TTC28: variants seen among roughly 807,000 people sequenced by gnomAD.
The protein encoded by TTC28 is tetratricopeptide repeat domain 28.
In TTC28, 61 loss-of-function variants were observed where a neutral mutation model predicts 198.0. The ratio of observed to expected loss-of-function variants is 0.31; its 90% CI spans 0.25 to 0.38. TTC28 has a LOEUF of 0.38. Among genes scored for constraint, TTC28 ranks in the 10% least tolerant of loss-of-function variants. The pLI, the probability that TTC28 is intolerant of heterozygous loss-of-function variation, is 1.00. For synonymous variants in TTC28, 1,171 were observed against 1,297.8 expected (o/e 0.90, Z 2.10); for missense variants, 2,678 against 3,164.0 (o/e 0.85, Z 3.69).
rs1028408215 is a variant in TTC28, at chr22:28,437,686, G to A, written c.382-131043C>T. Among the ~76,000 whole-genome samples the A allele has an allele frequency of 3.9e-5, 6 of 151,986 alleles. No homozygotes were observed. In the East Asian group the frequency reaches 5.8e-4, roughly 15 times the overall value. On this transcript the variant is annotated intron_variant, in intron 2 of 22. Coordinates refer to ENST00000397906, the MANE Select transcript of TTC28 (RefSeq NM_001145418.2). ...CAGCTCACTGCAGCCTCAACCTACT[G>A]GGTTCAATCAATTCTCCCACCTCAG...
At chr22:28,447,197 T>C (rs2047714935) in intron 2 of TTC28, among the ~76,000 whole-genome samples, 1 of 151,992 alleles carries the variant, frequency 6.6e-6, no homozygotes, top group Non-Finnish European at 1.5e-5. Flanking sequence ...AACAAAAGTT[T>C]TCAGAAAGGG....
At chr22:28,279,816 TCTGA>T (rs1257322577) in intron 5 of TTC28, among the ~76,000 whole-genome samples, 4 of 152,256 alleles carry the variant, frequency 2.6e-5, no homozygotes, top group African/African-American at 9.6e-5. Flanking sequence ...CAACCACTGA[TCTGA>T]CTGTTTTCGC....
intron 12 of TTC28, among the ~76,000 whole-genome samples, chr22:28,083,544 G>T (rs1941442668): frequency 6.6e-6 from 1 of 152,200 alleles, no homozygotes; most frequent in Admixed American, 6.5e-5. Flanking sequence ...AGCCAAGATG[G>T]CCGAATAGGA....
At chr22:28,264,554 G>T (rs960107948) in intron 5 of TTC28, among the ~76,000 whole-genome samples, 1 of 152,180 alleles carries the variant, frequency 6.6e-6, no homozygotes, top group Non-Finnish European at 1.5e-5. Context: ...ATTTGGAAGA[G>T]AGAGATACAT....
chr22:28,513,536 C>T (rs962226899), intron 2 of TTC28, among the ~76,000 whole-genome samples: 2 of 152,124 alleles, frequency 1.3e-5, no homozygotes, highest in Non-Finnish European at 2.9e-5. Context: ...CCCAAGAATT[C>T]GAGGCTGCAT....
At chr22:28,518,772 A>C (rs1013415857) in intron 2 of TTC28, among the ~76,000 whole-genome samples, 74 of 152,222 alleles carry the variant, frequency 4.9e-4, no homozygotes, top group African/African-American at 1.7e-3. Context: ...AAAAGACAGA[A>C]TTCATCTATC....
chr22:28,130,552 T>C (rs1033196037), intron 6 of TTC28, among the ~76,000 whole-genome samples: 1 of 152,262 alleles, frequency 6.6e-6, no homozygotes, highest in Admixed American at 6.5e-5. Context: ...GCTTTACATA[T>C]AAATATGTCT....
chr22:28,515,687 A>G (rs1281871453), intron 2 of TTC28, among the ~76,000 whole-genome samples: 1 of 147,886 alleles, frequency 6.8e-6, no homozygotes, highest in Non-Finnish European at 1.5e-5. Flanking sequence ...GATACCAGCT[A>G]GCCACTATAC....
chr22:28,382,263 T>G (rs1230393445), intron 2 of TTC28, among the ~76,000 whole-genome samples: 1 of 152,120 alleles, frequency 6.6e-6, no homozygotes, highest in African/African-American at 2.4e-5. Flanking sequence ...GATACAAATA[T>G]AAGTATACTA....
intron 1 of TTC28, among the ~76,000 whole-genome samples, chr22:28,634,797 C>T (rs1318066869): frequency 1.3e-5 from 2 of 151,664 alleles, no homozygotes; most frequent in Non-Finnish European, 2.9e-5. Context: ...GTTGGCCAGG[C>T]TGGTCTCGAA....
chr22:28,070,889 T>C (rs1940939532), intron 12 of TTC28, among the ~76,000 whole-genome samples: 1 of 152,210 alleles, frequency 6.6e-6, no homozygotes, highest in Non-Finnish European at 1.5e-5. Context: ...CCCACAGCTA[T>C]ATTCTTTCGA....
rs552187758 is a variant in TTC28, at chr22:27,992,196, A to G, written c.5553+391T>C. Among the ~76,000 whole-genome samples the G allele has an allele frequency of 1.3e-3, 194 of 152,300 alleles. 1 individual carries two copies. Among genetic ancestry groups the G allele is most frequent in the African/African-American group, 4.3e-3 (179 of 41,570 alleles). ...TCTGAAGGCCCTGGATGCTCAGCACATATGAGAACACTATGCAAACCTGCC... is the reference window on the plus strand; with the variant it reads ...TCTGAAGGCCCTGGATGCTCAGCACGTATGAGAACACTATGCAAACCTGCC... On this transcript the variant is annotated intron_variant, in intron 19 of 22. Coordinates refer to ENST00000397906, the MANE Select transcript of TTC28 (RefSeq NM_001145418.2).
At chr22:28,179,628 C>A (rs1462707184) in intron 5 of TTC28, among the ~76,000 whole-genome samples, 1 of 152,184 alleles carries the variant, frequency 6.6e-6, no homozygotes, top group Non-Finnish European at 1.5e-5. Flanking sequence ...GCATGTGTCA[C>A]CACATTCTCT....
At chr22:28,031,409 C>T (rs1332814084) in intron 12 of TTC28, among the ~76,000 whole-genome samples, 4 of 152,200 alleles carry the variant, frequency 2.6e-5, no homozygotes, top group South Asian at 2.1e-4. Flanking sequence ...GACCTTCCTA[C>T]TAAGGACCGG....
intron 2 of TTC28, among the ~76,000 whole-genome samples, chr22:28,506,184 T>C (rs1426031053): frequency 2.0e-5 from 3 of 151,638 alleles, no homozygotes; most frequent in Non-Finnish European, 4.4e-5. Flanking sequence ...GCAGCCACCA[T>C]CTCTGCAGTT....
chr22:28,629,336 G>T lies in TTC28; in HGVS notation c.381+216C>A, dbSNP rs1021472114. The T allele has an allele frequency of 1.3e-5, 7 of 532,044 alleles. No individual in the cohort carries two copies. The African/African-American group carries it at 1.3e-4, about 10-fold the overall frequency. The allele number at this position is 532,044 out of a possible 1,614,324, so 33.0% of individuals were successfully genotyped here. Reference sequence around the variant, plus strand: ...AAAAATTTAAATCTCACACATACAGGAAAAGAATTAAACTTGCACATGGAA... The same window carrying T: ...AAAAATTTAAATCTCACACATACAGTAAAAGAATTAAACTTGCACATGGAA... On this transcript the variant is annotated intron_variant, in intron 2 of 22. Transcript: ENST00000397906.
intron 2 of TTC28, among the ~76,000 whole-genome samples, chr22:28,511,595 G>A (rs1296904938): frequency 1.3e-5 from 2 of 152,110 alleles, no homozygotes; most frequent in Non-Finnish European, 2.9e-5. Context: ...TGAGGCAGGT[G>A]GATCACGAGG....
At chr22:27,992,972 A>G in intron 18 of TTC28, 1 of 557,228 alleles carries the variant, frequency 1.8e-6, no homozygotes, top group Non-Finnish European at 3.2e-6. Context: ...GCACAGCTTC[A>G]TCGGGGCCAC....
rs548924832 is a variant in TTC28 at position 27,982,324 on chromosome 22, G to A, written c.7343C>T (p.Ala2448Val). 113 of 1,529,514 alleles carry A rather than the reference G, an allele frequency of 7.4e-5. No individual in the cohort carries two copies. The highest frequency in any genetic ancestry group is 3.9e-4 in the Admixed American group (19 of 49,016). 94.7% of individuals were successfully genotyped at this position (1,529,514 alleles called of 1,614,324 possible). Reference protein sequence around the residue: ...TTSLGSLPLPAGPPATAPARP... With the variant: ...TTSLGSLPLPVGPPATAPARP... Reference sequence around the variant, plus strand: ...CGCGGGGGCTGTGGCGGGAGGGCCGGCGGGCAGCGGCAGTGAGCCCAGCGA... The same window carrying A: ...CGCGGGGGCTGTGGCGGGAGGGCCGACGGGCAGCGGCAGTGAGCCCAGCGA... The change falls in exon 23 of 23, where the codon GCC becomes GTC. Residue 2448 changes from alanine (A) to valine (V), a missense_variant. Ala to Val is a moderately conservative substitution (Grantham distance 64). Transcript: ENST00000397906. This position sits in a 1 kb window ranked among gnomAD's most constrained non-coding sequence, Gnocchi z 5.2.
Sources: allele counts gnomAD v4.1 joint callset (sites outside exome capture counted in the v4.1 genomes callset), GRCh38; gene constraint gnomAD v4.1.1; non-coding constraint Gnocchi (gnomAD v3.1); transcripts MANE v1.5; gene names NCBI Gene and HGNC (gene_info 2026-07-23, HGNC 2026-07-21).